SNX25: variants seen among roughly 807,000 people sequenced by gnomAD.
SNX25 encodes sorting nexin-25.
In SNX25, 62 loss-of-function variants were observed where a neutral mutation model predicts 113.7. That is an observed-to-expected ratio of 0.55 (90% CI 0.44 to 0.67). The LOEUF (loss-of-function observed/expected upper bound fraction) is 0.67, where lower values mean the gene tolerates loss of function less well. Ranked by LOEUF, SNX25 falls within the 30% of genes least tolerant of loss-of-function variation. The pLI, the probability that SNX25 is intolerant of heterozygous loss-of-function variation, is 0.00. For synonymous variants in SNX25, 421 were observed against 436.2 expected, an observed-to-expected ratio of 0.97 and a Z score of 0.43; for missense variants, 1,014 against 1,161.0, an observed-to-expected ratio of 0.87 and a Z score of 1.84.
At chr4:185,220,759 C>T (rs538409123) in intron 1 of SNX25, among the ~76,000 whole-genome samples, 3 of 152,220 alleles carry the variant, frequency 2.0e-5, no homozygotes, top group South Asian at 2.1e-4. Context: ...GGATTACAGG[C>T]GTGAGCCACT....
At chr4:185,280,956 C>T (rs939303014) in intron 5 of SNX25, among the ~76,000 whole-genome samples, 5 of 152,186 alleles carry the variant, frequency 3.3e-5, no homozygotes, top group East Asian at 1.9e-4. Context: ...CAACATTGAC[C>T]GCTTTACACA....
At chr4:185,296,069 A>G (rs1258140616) in intron 6 of SNX25, 1 of 152,188 alleles carries the variant, frequency 6.6e-6, no homozygotes, top group Non-Finnish European at 1.5e-5. Context: ...GCACCTTCTT[A>G]TTACATCTCC....
chr4:185,216,513 G>GTTTTTTTTT (rs34410263), intron 1 of SNX25, among the ~76,000 whole-genome samples: 10 of 96,736 alleles, frequency 1.0e-4, no homozygotes, highest in African/African-American at 3.5e-4. Flanking sequence ...TGTGTATTTG[G>GTTTTTTTTT]TTTTTTTTTT....
At chr4:185,250,268 G>C (rs189234204) in intron 2 of SNX25, among the ~76,000 whole-genome samples, 1 of 152,216 alleles carries the variant, frequency 6.6e-6, no homozygotes, top group Non-Finnish European at 1.5e-5. Flanking sequence ...GCCCAACACC[G>C]TTAGTGGAAT....
intron 1 of SNX25, among the ~76,000 whole-genome samples, chr4:185,212,498 T>G (rs1282228286): frequency 2.0e-5 from 3 of 146,970 alleles, no homozygotes; most frequent in African/African-American, 5.0e-5. Context: ...TGTGTTTTTT[T>G]TTTTTTTTGC....
chr4:185,229,084 A>G (rs1741435156), intron 1 of SNX25, among the ~76,000 whole-genome samples: 1 of 152,192 alleles, frequency 6.6e-6, no homozygotes, highest in South Asian at 2.1e-4. Context: ...GGAGGCCATG[A>G]AAGACTAGCA....
intron 7 of SNX25, 47 bp downstream of exon 7, chr4:185,310,863 A>G: frequency 1.3e-6 from 2 of 1,523,612 alleles, no homozygotes; most frequent in Non-Finnish European, 8.8e-7. Flanking sequence ...GTTTATTATA[A>G]ATGCTGATAG....
intron 1 of SNX25, among the ~76,000 whole-genome samples, chr4:185,246,936 T>C (rs1744941170): frequency 1.3e-5 from 2 of 152,186 alleles, no homozygotes; most frequent in Admixed American, 1.3e-4. Context: ...TCCAACATCA[T>C]TTGCTGAGTA....
chr4:185,337,761 C>A (rs183807767), intron 10 of SNX25, among the ~76,000 whole-genome samples: 27 of 152,276 alleles, frequency 1.8e-4, no homozygotes, highest in Admixed American at 1.7e-3. Context: ...TGCCAACACT[C>A]GTTATTTTCT....
chr4:185,369,275 G>C (rs1419100402), intron 11 of SNX25, among the ~76,000 whole-genome samples: 1 of 143,408 alleles, frequency 7.0e-6, no homozygotes, highest in Non-Finnish European at 1.5e-5. Flanking sequence ...CTGGAGTGCA[G>C]TGGTGTGATC....
At chr4:185,372,159 A>C (rs953694333), downstream of SNX25, among the ~76,000 whole-genome samples, 9 of 152,252 alleles carry the variant, frequency 5.9e-5, no homozygotes, top group Non-Finnish European at 8.8e-5. Context: ...ATAGAACTGC[A>C]TGACCGAGGA....
chr4:185,321,552 C>A (rs909007962), intron 8 of SNX25, among the ~76,000 whole-genome samples: 1 of 151,958 alleles, frequency 6.6e-6, no homozygotes, highest in South Asian at 2.1e-4. Flanking sequence ...CATGAGCCAC[C>A]GCAGCCAGCT....
At chr4:185,261,142 G>GTGTGTT (rs1747276722) in intron 3 of SNX25, among the ~76,000 whole-genome samples, 1 of 150,740 alleles carries the variant, frequency 6.6e-6, no homozygotes, top group African/African-American at 2.4e-5. Context: ...GTGTGTGTGT[G>GTGTGTT]TGTGTGTGTG....
intron 12 of SNX25, among the ~76,000 whole-genome samples, chr4:185,346,014 C>T (rs1183153035): frequency 1.3e-5 from 2 of 152,098 alleles, no homozygotes; most frequent in Non-Finnish European, 1.5e-5. Context: ...TGTGCCATCA[C>T]GCCAGGCTAA....
intron 1 of SNX25, among the ~76,000 whole-genome samples, chr4:185,218,007 C>T (rs1004244534): frequency 6.6e-6 from 1 of 152,122 alleles, no homozygotes; most frequent in African/African-American, 2.4e-5. Flanking sequence ...GGTAGGCAGC[C>T]CTTCGCAGGG....
chr4:185,211,368 T>G (rs1287235500), intron 1 of SNX25, among the ~76,000 whole-genome samples: 2 of 152,214 alleles, frequency 1.3e-5, no homozygotes, highest in Non-Finnish European at 2.9e-5. Flanking sequence ...AGAAGTGGTC[T>G]CAAAAATTAG....
intron 11 of SNX25, 75 bp from the exon 12 acceptor site, chr4:185,341,901 G>A (rs189811280): frequency 6.8e-7 from 1 of 1,477,242 alleles, no homozygotes; most frequent in East Asian, 2.4e-5. Flanking sequence ...CTCCTTAGGG[G>A]GACACTTACA....
downstream of SNX25, among the ~76,000 whole-genome samples, chr4:185,372,568 T>C (rs1411936282): frequency 1.3e-5 from 2 of 152,196 alleles, no homozygotes; most frequent in African/African-American, 2.4e-5. Flanking sequence ...ACTAGTAAGT[T>C]CCCTTGGAAA....
At chr4:185,235,878 A>G (rs890555928) in intron 1 of SNX25, among the ~76,000 whole-genome samples, 4 of 152,244 alleles carry the variant, frequency 2.6e-5, no homozygotes, top group Admixed American at 1.3e-4. Context: ...GAATATGCAG[A>G]TGCAGGTATT....
Sources: allele counts gnomAD v4.1 joint callset (sites outside exome capture counted in the v4.1 genomes callset), GRCh38; gene constraint gnomAD v4.1.1; transcripts MANE v1.5; gene names NCBI Gene and HGNC (gene_info 2026-07-23, HGNC 2026-07-21).